The following PTPN4 variants were observed in gnomAD, a reference collection of about 807,000 sequenced individuals.
PTPN4 encodes the protein tyrosine-protein phosphatase non-receptor type 4.
In PTPN4, 49 loss-of-function variants were observed where a neutral mutation model predicts 135.5. That is an observed-to-expected ratio of 0.36 (90% CI 0.29 to 0.46). The LOEUF (loss-of-function observed/expected upper bound fraction) is 0.46. PTPN4 is among the 20% of genes least tolerant of loss of function. PTPN4 has a pLI of 1.00. For synonymous variants in PTPN4, 333 were observed against 369.9 expected (o/e 0.90, Z 1.14); for missense variants, 860 against 1,101.0 (o/e 0.78, Z 3.10).
At chr2:119,935,946 A>C (rs1678975708) in intron 15 of PTPN4, among the ~76,000 whole-genome samples, 2 of 152,136 alleles carry the variant, frequency 1.3e-5, no homozygotes, top group South Asian at 4.1e-4. Context: ...ATCTTTATCT[A>C]TTTTTAAAGG....
At chr2:119,902,212 A>G (rs1678415192) in intron 10 of PTPN4, among the ~76,000 whole-genome samples, 1 of 152,240 alleles carries the variant, frequency 6.6e-6, no homozygotes, top group Non-Finnish European at 1.5e-5. Flanking sequence ...GGAACAAGGT[A>G]AAAAATATGT....
intron 5 of PTPN4, among the ~76,000 whole-genome samples, chr2:119,880,471 C>T (rs1163089844): frequency 1.3e-5 from 2 of 151,754 alleles, no homozygotes; most frequent in Non-Finnish European, 2.9e-5. Context: ...ACTCTGTCGC[C>T]TAGGCTGGAG....
At chr2:119,850,325 C>A (rs1259700797) in intron 2 of PTPN4, among the ~76,000 whole-genome samples, 1 of 152,196 alleles carries the variant, frequency 6.6e-6, no homozygotes, top group Non-Finnish European at 1.5e-5. Context: ...CCTCTCCCTA[C>A]ATGGAATTTC....
At chr2:119,937,845 T>A (rs1285005763) in intron 15 of PTPN4, among the ~76,000 whole-genome samples, 1 of 151,960 alleles carries the variant, frequency 6.6e-6, no homozygotes, top group African/African-American at 2.4e-5. Context: ...GGCAGAAGGA[T>A]CACTAGAGCC....
chr2:119,774,204 C>G (rs1690788156), intron 1 of PTPN4, among the ~76,000 whole-genome samples: 1 of 152,074 alleles, frequency 6.6e-6, no homozygotes, highest in Non-Finnish European at 1.5e-5. Flanking sequence ...ACCATGGAAC[C>G]CATATGAAAT....
chr2:119,874,572 G>T (rs138842232), intron 3 of PTPN4, among the ~76,000 whole-genome samples: 22 of 152,208 alleles, frequency 1.4e-4, no homozygotes, highest in African/African-American at 4.8e-4. Flanking sequence ...AGGTAAATTT[G>T]TAGAGACAGA....
intron 3 of PTPN4, among the ~76,000 whole-genome samples, chr2:119,876,773 G>GT (rs757368078): frequency 7.9e-5 from 12 of 151,824 alleles, no homozygotes; most frequent in East Asian, 5.8e-4. Flanking sequence ...AAATTGGTGG[G>GT]TTTTTTTCAA....
intron 10 of PTPN4, among the ~76,000 whole-genome samples, chr2:119,903,737 T>C (rs1404233472): frequency 6.6e-6 from 1 of 152,132 alleles, no homozygotes; most frequent in Non-Finnish European, 1.5e-5. Flanking sequence ...CCACTGATAC[T>C]GCTGACACCA....
intron 15 of PTPN4, among the ~76,000 whole-genome samples, chr2:119,938,723 A>G (rs1046569793): frequency 6.6e-6 from 1 of 152,118 alleles, no homozygotes; most frequent in Admixed American, 6.5e-5. Flanking sequence ...ATATATTCTG[A>G]TAAGTTCTGG....
intron 1 of PTPN4, among the ~76,000 whole-genome samples, chr2:119,806,146 G>C (rs564586322): frequency 1.3e-5 from 2 of 152,150 alleles, no homozygotes; most frequent in Non-Finnish European, 2.9e-5. Flanking sequence ...AAAGACCATC[G>C]ATGCTAGGAA....
chr2:119,946,576 T>C lies in PTPN4; in HGVS notation c.1656+2T>C. 1 of 1,564,964 alleles carries C rather than the reference T, an allele frequency of 6.4e-7. No individual in the cohort carries two copies. The highest frequency in any genetic ancestry group is 8.7e-7 in the Non-Finnish European group (1 of 1,151,186). On this transcript the variant is annotated splice_donor_variant, in intron 18 of 26. Transcript: ENST00000263708. LOFTEE classifies it high-confidence loss of function. ...TCTCGAGTAGCACCAGGAACACCTGTGAGTTATCTAAATGTTTCAAATAAA... is the reference window on the plus strand; with the variant it reads ...TCTCGAGTAGCACCAGGAACACCTGCGAGTTATCTAAATGTTTCAAATAAA...
Position 119,934,812 on chromosome 2 carries a change from A to G in PTPN4, c.1209A>G (p.Thr403=), listed in dbSNP as rs370709036. The change falls in exon 15 of 27, where the codon ACA becomes ACG. Residue 403 remains threonine, a synonymous_variant. Transcript: ENST00000263708. ...CCTCTTTATTTAGTCGAAATTCTACATTCACGCAGGAAGGAACCCGGTTAC... is the reference window on the plus strand; with the variant it reads ...CCTCTTTATTTAGTCGAAATTCTACGTTCACGCAGGAAGGAACCCGGTTAC... The part of the protein sequence containing the change: ...PPGTPNHRNS[T]FTQEGTRLRP... The G allele has an allele frequency of 1.8e-5, 29 of 1,613,668 alleles. No individual in the cohort carries two copies. In the African/African-American group the frequency reaches 2.7e-4, roughly 15 times the overall value.
chr2:119,885,704 G>GA, intron 8 of PTPN4, 91 bp from the exon 9 acceptor site: 1 of 900,332 alleles, frequency 1.1e-6, no homozygotes, highest in Non-Finnish European at 1.7e-6. Context: ...AGACTGCTCA[G>GA]TTTTTTCAGA....
At chr2:119,859,809 G>T (rs958399026) in intron 2 of PTPN4, among the ~76,000 whole-genome samples, 1 of 152,216 alleles carries the variant, frequency 6.6e-6, no homozygotes, top group Non-Finnish European at 1.5e-5. Flanking sequence ...AAACCAGGTG[G>T]CACATGAAAC....
At chr2:119,875,829 T>G (rs1677975727) in intron 3 of PTPN4, among the ~76,000 whole-genome samples, 1 of 152,140 alleles carries the variant, frequency 6.6e-6, no homozygotes. Flanking sequence ...CTGGTTTCAT[T>G]ATAATCTAAT....
intron 2 of PTPN4, among the ~76,000 whole-genome samples, chr2:119,820,869 CTTTACATACACACATGTGT>C (rs1044691882): frequency 7.1e-5 from 9 of 125,966 alleles, no homozygotes; most frequent in Admixed American, 1.6e-4. Context: ...ATATACACAG[CTTTACATACACACATGTGT>C]GTGTATGTAA....
intron 2 of PTPN4, among the ~76,000 whole-genome samples, chr2:119,831,891 A>G (rs1677225312): frequency 6.6e-6 from 1 of 152,164 alleles, no homozygotes; most frequent in South Asian, 2.1e-4. Context: ...TCATACTAGA[A>G]CCACTTGAAG....
At chr2:119,793,174 G>C (rs756143613) in intron 1 of PTPN4, among the ~76,000 whole-genome samples, 2 of 152,168 alleles carry the variant, frequency 1.3e-5, no homozygotes, top group Non-Finnish European at 1.5e-5. Flanking sequence ...ACCTACAACT[G>C]CATAAGGCAG....
At chr2:119,804,249 A>C (rs570372376) in intron 1 of PTPN4, among the ~76,000 whole-genome samples, 8 of 151,618 alleles carry the variant, frequency 5.3e-5, no homozygotes, top group Admixed American at 5.3e-4. Flanking sequence ...AGTAGCTAGG[A>C]CTACAGGTGC....
Sources: gnomAD v4.1 joint callset for allele counts (sites outside exome capture counted in the v4.1 genomes callset) on GRCh38, gnomAD v4.1.1 for gene constraint, MANE v1.5 for transcripts, NCBI Gene and HGNC (gene_info 2026-07-23, HGNC 2026-07-21) for gene names.